Variants in DENND1A observed in about 807,000 individuals in gnomAD.
DENND1A encodes the protein DENN domain containing 1A.
In DENND1A, 51 loss-of-function variants were observed where a neutral mutation model predicts 113.7. The observed-to-expected ratio is 0.45, with a 90% confidence interval of 0.36 to 0.57. The LOEUF (loss-of-function observed/expected upper bound fraction) is 0.57. Among genes scored for constraint, DENND1A ranks in the 20% least tolerant of loss-of-function variants. The pLI is 0.00. For missense variants in DENND1A, 1,258 were observed against 1,395.9 expected, an observed-to-expected ratio of 0.90 and a Z score of 1.57; for synonymous variants, 565 against 570.8, an observed-to-expected ratio of 0.99 and a Z score of 0.14.
chr9:123,415,167 G>A (rs1333328235), intron 19 of DENND1A, among the ~76,000 whole-genome samples: 2 of 152,124 alleles, frequency 1.3e-5, no homozygotes, highest in Non-Finnish European at 2.9e-5. Context: ...ATGTCCTGGC[G>A]CACCCAGTCA....
chr9:123,563,859 G>A (rs1243311607), intron 12 of DENND1A, among the ~76,000 whole-genome samples: 3 of 151,992 alleles, frequency 2.0e-5, no homozygotes, highest in South Asian at 2.1e-4. Context: ...AAACCCATTC[G>A]CAAACCTGGG....
At chr9:123,840,573 C>A (rs1443283673) in intron 2 of DENND1A, among the ~76,000 whole-genome samples, 2 of 152,152 alleles carry the variant, frequency 1.3e-5, no homozygotes, top group East Asian at 3.8e-4. Flanking sequence ...ATAGCTGACA[C>A]ATGAAAGGTA....
At chr9:123,641,851 A>T (rs564723413) in intron 9 of DENND1A, among the ~76,000 whole-genome samples, 2 of 152,290 alleles carry the variant, frequency 1.3e-5, no homozygotes, top group South Asian at 4.2e-4. Flanking sequence ...TCCATACTAG[A>T]CTTTGTGAAC....
At chr9:123,470,184 A>T (rs529715871) in intron 13 of DENND1A, among the ~76,000 whole-genome samples, 1 of 152,310 alleles carries the variant, frequency 6.6e-6, no homozygotes, top group African/African-American at 2.4e-5. Context: ...TAGGCATTCA[A>T]CCCCATTACA....
At chr9:123,761,288 A>C (rs554114135) in intron 4 of DENND1A, among the ~76,000 whole-genome samples, 7 of 152,250 alleles carry the variant, frequency 4.6e-5, no homozygotes, top group Non-Finnish European at 8.8e-5. Flanking sequence ...AATAACAATG[A>C]GACACTACCA....
chr9:123,470,738 T>G (rs1326288293), intron 13 of DENND1A, among the ~76,000 whole-genome samples: 1 of 152,212 alleles, frequency 6.6e-6, no homozygotes, highest in Non-Finnish European at 1.5e-5. Flanking sequence ...CCTGAAGGTG[T>G]GCTGCCCACC....
At chr9:123,641,255 A>T (rs1442902025) in intron 9 of DENND1A, among the ~76,000 whole-genome samples, 1 of 152,196 alleles carries the variant, frequency 6.6e-6, no homozygotes, top group Non-Finnish European at 1.5e-5. Context: ...TTAAGATGTC[A>T]ATGACTTAAA....
intron 3 of DENND1A, among the ~76,000 whole-genome samples, chr9:123,780,895 C>T (rs1590057989): frequency 6.6e-6 from 1 of 152,112 alleles, no homozygotes; most frequent in Admixed American, 6.5e-5. Flanking sequence ...GTGTTACATA[C>T]CCAGTGATCC....
chr9:123,875,673 C>T (rs1847348227), intron 2 of DENND1A, among the ~76,000 whole-genome samples: 1 of 152,212 alleles, frequency 6.6e-6, no homozygotes, highest in African/African-American at 2.4e-5. Context: ...GCATAGTCCA[C>T]TCCCAGGAGG....
intron 10 of DENND1A, among the ~76,000 whole-genome samples, chr9:123,621,950 G>T (rs1357059664): frequency 6.6e-6 from 1 of 152,078 alleles, no homozygotes; most frequent in African/African-American, 2.4e-5. Context: ...CACCATGTGG[G>T]GGCTGATTCA....
At chr9:123,444,602 C>T (rs1208504195) in intron 18 of DENND1A, among the ~76,000 whole-genome samples, 3 of 151,964 alleles carry the variant, frequency 2.0e-5, no homozygotes, top group Admixed American at 6.6e-5. Flanking sequence ...TGCAGTGAGC[C>T]GAGACTGCGC....
At chr9:123,651,931 TAAAA>T in intron 9 of DENND1A, 78 bp downstream of exon 9, 4 of 1,290,418 alleles carry the variant, frequency 3.1e-6, no homozygotes, top group Admixed American at 2.1e-5. Context: ...CTCCTTTTTC[TAAAA>T]TTTTCTTTCA....
At chr9:123,418,876 G>C (rs2044980018) in intron 19 of DENND1A, among the ~76,000 whole-genome samples, 1 of 152,262 alleles carries the variant, frequency 6.6e-6, no homozygotes, top group Non-Finnish European at 1.5e-5. Flanking sequence ...ATGGGCTGGG[G>C]CAGGGGTGCT....
At chr9:123,434,544 T>C (rs1368173426) in intron 19 of DENND1A, among the ~76,000 whole-genome samples, 3 of 152,252 alleles carry the variant, frequency 2.0e-5, no homozygotes, top group Non-Finnish European at 4.4e-5. Context: ...GGATGTGCAC[T>C]GACTGCCAGC....
intron 11 of DENND1A, among the ~76,000 whole-genome samples, chr9:123,604,098 T>C (rs922560077): frequency 6.6e-6 from 1 of 152,238 alleles, no homozygotes; most frequent in Non-Finnish European, 1.5e-5. Context: ...TCAAACTCTT[T>C]ACTGCAGCCT....
intron 16 of DENND1A, among the ~76,000 whole-genome samples, chr9:123,453,749 C>T (rs944731324): frequency 6.6e-6 from 1 of 152,150 alleles, no homozygotes; most frequent in Admixed American, 6.6e-5. Context: ...AAATTTTGAG[C>T]TTTAATTAAA....
chr9:123,564,980 CTTTTTTTTTT>C (rs199613371), intron 12 of DENND1A, among the ~76,000 whole-genome samples: 14 of 75,746 alleles, frequency 1.8e-4, no homozygotes, highest in African/African-American at 2.1e-4. Context: ...TCTGTCCCTT[CTTTTTTTTTT>C]TTTTTTTTTT....
chr9:123,390,792 G>A (rs776276352), intron 21 of DENND1A, among the ~76,000 whole-genome samples: 4 of 152,244 alleles, frequency 2.6e-5, no homozygotes, highest in Non-Finnish European at 5.9e-5. Context: ...TGCACACGAG[G>A]GGACACCAGC....
In DENND1A at chr9:123,381,690, C is replaced by A; in HGVS notation, c.2955G>T (p.Leu985Phe). The change falls in exon 24 of 24, where the codon TTG (leucine) becomes TTT (phenylalanine). Residue 985 changes from leucine (L) to phenylalanine (F), a missense_variant. Physicochemically the swap from Leu to Phe is conservative, Grantham distance 22 (BLOSUM62 0). Coordinates refer to ENST00000394215, the MANE Select transcript of DENND1A (RefSeq NM_001352964.2). This position sits in a 1 kb window ranked among gnomAD's most constrained non-coding sequence, Gnocchi z 4.7. ...CCCTGGCACTTGAGCGGGCCAGGGG[C>A]AACGTTCGGATCCTCGACGGGGCAA... The part of the protein sequence containing the change: ...PAVAPSRIRT[L>F]PLARSSARAA... The A allele has an allele frequency of 6.4e-7, 1 of 1,574,106 alleles. No homozygotes were observed. The highest frequency in any genetic ancestry group is 8.6e-7 in the Non-Finnish European group (1 of 1,159,522).
Sources: gnomAD v4.1 joint callset for allele counts (sites outside exome capture counted in the v4.1 genomes callset) on GRCh38, gnomAD v4.1.1 for gene constraint, Gnocchi (gnomAD v3.1) non-coding constraint, MANE v1.5 for transcripts, NCBI Gene and HGNC (gene_info 2026-07-23, HGNC 2026-07-21) for gene names.